Variants in PPP2R2B observed in about 807,000 individuals in gnomAD.
PPP2R2B encodes protein phosphatase 2 regulatory subunit Bbeta, also known as serine/threonine-protein phosphatase 2A 55 kDa regulatory subunit B beta isoform.
A neutral mutation model predicts 46.0 loss-of-function variants in PPP2R2B; 5 were observed. The observed-to-expected ratio is 0.11, with a 90% CI of 0.06 to 0.23. PPP2R2B has a LOEUF of 0.23. Ranked by LOEUF, PPP2R2B falls within the 10% of genes least tolerant of loss-of-function variation. PPP2R2B has a pLI of 1.00. For synonymous variants in PPP2R2B, 215 were observed against 206.7 expected (o/e 1.04, Z -0.34); for missense variants, 367 against 575.0 (o/e 0.64, Z 3.70).
At chr5:146,620,747 T>C (rs920031816) in intron 7 of PPP2R2B, among the ~76,000 whole-genome samples, 1 of 152,108 alleles carries the variant, frequency 6.6e-6, no homozygotes, top group Non-Finnish European at 1.5e-5. Flanking sequence ...CCCCCTGAGA[T>C]AGCATGCTCT....
chr5:146,697,237 A>T (rs1170817967), intron 4 of PPP2R2B, among the ~76,000 whole-genome samples: 1 of 152,198 alleles, frequency 6.6e-6, no homozygotes, highest in Non-Finnish European at 1.5e-5. Flanking sequence ...TTCAATTAGC[A>T]CCCTTTAACA....
At chr5:146,632,061 G>GCCCCCCCCCC (rs58956274) in intron 7 of PPP2R2B, among the ~76,000 whole-genome samples, 72 of 104,034 alleles carry the variant, frequency 6.9e-4, no homozygotes, top group Non-Finnish European at 1.0e-3. Flanking sequence ...GCTGAGTTGT[G>GCCCCCCCCCC]CCCCCCCCCC....
rs988354797 is a variant in PPP2R2B, at chr5:147,081,389, G to A, written c.-161C>T. ...CAGGCCAGGACCAGTTTGAACTGGA[G>A]CAATTGGAGTTTGTCCCTTCTCAGG... is the stretch of plus-strand genomic sequence containing the variant. On this transcript the variant is annotated 5_prime_UTR_variant, in exon 1 of 11. Coordinates refer to the PPP2R2B transcript ENST00000394413. 3.1e-6 allele frequency: 4 copies of A among 1,282,250 alleles called. No individual in the cohort carries two copies. In the South Asian group the frequency reaches 5.2e-5, roughly 17 times the overall value. The allele number at this position is 1,282,250 out of a possible 1,614,324, so 79.4% of individuals were successfully genotyped here. A position where few individuals can be genotyped will look rare whatever the true frequency, so the allele number is the denominator to read the frequency against.
At chr5:146,925,950 T>C (rs528598670) in intron 1 of PPP2R2B, among the ~76,000 whole-genome samples, 25 of 152,074 alleles carry the variant, frequency 1.6e-4, no homozygotes, top group Non-Finnish European at 3.5e-4. Flanking sequence ...TTACCATTAT[T>C]GTACCCTTCA....
At chr5:146,919,127 A>G (rs1023736693) in intron 1 of PPP2R2B, among the ~76,000 whole-genome samples, 1 of 152,256 alleles carries the variant, frequency 6.6e-6, no homozygotes, top group African/African-American at 2.4e-5. Context: ...CATAATTAGC[A>G]TATGGTGAAG....
intron 4 of PPP2R2B, among the ~76,000 whole-genome samples, chr5:146,692,223 C>T (rs1432680787): frequency 6.6e-6 from 1 of 152,204 alleles, no homozygotes; most frequent in African/African-American, 2.4e-5. Context: ...GTACATATTT[C>T]TAGCAATATT....
At chr5:146,626,401 A>G (rs1277195755) in intron 7 of PPP2R2B, among the ~76,000 whole-genome samples, 1 of 152,250 alleles carries the variant, frequency 6.6e-6, no homozygotes, top group Non-Finnish European at 1.5e-5. Context: ...AAAAATGGTC[A>G]TAAAACACAG....
At chr5:146,872,918 C>G (rs1761697110) in intron 2 of PPP2R2B, among the ~76,000 whole-genome samples, 1 of 152,194 alleles carries the variant, frequency 6.6e-6, no homozygotes, top group South Asian at 2.1e-4. Context: ...ATGTTCTTAT[C>G]TGAGGCATCT....
chr5:147,017,209 C>T lies in PPP2R2B; in HGVS notation c.79+38456G>A, dbSNP rs79540814. ...CAAAAACTGTGGGCAATAGAATCAG[C>T]AGGATTTGGTGATTGCTTTATGAAT... is the stretch of plus-strand genomic sequence containing the variant. On this transcript the variant is annotated intron_variant, in intron 1 of 8. Coordinates refer to the PPP2R2B transcript ENST00000336640. 6.6e-3 allele frequency among the ~76,000 whole-genome samples: 997 copies of T among 151,640 alleles called. 14 individuals carry two copies. Among genetic ancestry groups the T allele is most frequent in the African/African-American group, 0.023 (950 of 41,544 alleles).
rs994750835 is a variant in PPP2R2B at position 146,586,932 on chromosome 5, G to A, written c.*3015C>T. The A allele has an allele frequency of 4.6e-5, 7 of 152,092 alleles. No individual in the cohort carries two copies. The highest frequency in any genetic ancestry group is 8.8e-5 in the Non-Finnish European group (6 of 68,026). 9.4% of individuals were successfully genotyped at this position (152,092 alleles called of 1,614,324 possible). ...GCTTTTTGCATTACTTGTTTTTAAC[G>A]TCAGGAACTGAATGTTGCGCAAGGA... is the stretch of plus-strand genomic sequence containing the variant. On this transcript the variant is annotated 3_prime_UTR_variant, in exon 10 of 10. Transcript: ENST00000394411.
intron 2 of PPP2R2B, among the ~76,000 whole-genome samples, chr5:146,829,686 G>A (rs1456223149): frequency 6.6e-6 from 1 of 152,128 alleles, no homozygotes; most frequent in Admixed American, 6.5e-5. Context: ...GCAGGTTAAG[G>A]TTTCATACAG....
At chr5:146,625,361 A>G (rs1773979497) in intron 7 of PPP2R2B, among the ~76,000 whole-genome samples, 1 of 152,216 alleles carries the variant, frequency 6.6e-6, no homozygotes, top group African/African-American at 2.4e-5. Flanking sequence ...ATGAGCAAAC[A>G]GTGGGTCAAC....
intron 3 of PPP2R2B, 69 bp from the exon 4 acceptor site, chr5:146,698,213 CTT>C (rs575978395): frequency 1.5e-6 from 2 of 1,335,314 alleles, no homozygotes; most frequent in Non-Finnish European, 2.0e-6. Context: ...CGCCAACTCC[CTT>C]TTTTTTCCAG....
chr5:146,942,091 C>G (rs1357248457), intron 1 of PPP2R2B, among the ~76,000 whole-genome samples: 1 of 152,158 alleles, frequency 6.6e-6, no homozygotes, highest in Non-Finnish European at 1.5e-5. Flanking sequence ...AGGGCCCACT[C>G]TAATTCAGAA....
At chr5:147,042,368 C>A (rs1391648260) in intron 1 of PPP2R2B, among the ~76,000 whole-genome samples, 1 of 152,122 alleles carries the variant, frequency 6.6e-6, no homozygotes, top group Non-Finnish European at 1.5e-5. Flanking sequence ...TTTTCTATAA[C>A]TCGCTCAGGT....
At chr5:147,033,060 C>T (rs1408958258) in intron 1 of PPP2R2B, among the ~76,000 whole-genome samples, 1 of 151,974 alleles carries the variant, frequency 6.6e-6, no homozygotes, top group African/African-American at 2.4e-5. Flanking sequence ...AATTATGAGA[C>T]CATGCTATAG....
chr5:146,882,881 C>T (rs1006342952), upstream of PPP2R2B, among the ~76,000 whole-genome samples: 1 of 152,330 alleles, frequency 6.6e-6, no homozygotes, highest in Admixed American at 6.5e-5. Context: ...ATTACAAATA[C>T]ACAGCCTTCT....
chr5:146,776,688 A>G (rs568722114), intron 2 of PPP2R2B, among the ~76,000 whole-genome samples: 2 of 152,086 alleles, frequency 1.3e-5, no homozygotes, highest in African/African-American at 4.8e-5. Context: ...ATCAAAAGAC[A>G]CTATCAAGAG....
chr5:146,843,798 G>A (rs1759811821), intron 2 of PPP2R2B, among the ~76,000 whole-genome samples: 1 of 151,962 alleles, frequency 6.6e-6, no homozygotes, highest in Non-Finnish European at 1.5e-5. Context: ...TTTTATGGCT[G>A]CATAGTATTC....
Sources: gnomAD v4.1 joint callset for allele counts (sites outside exome capture counted in the v4.1 genomes callset) on GRCh38, gnomAD v4.1.1 for gene constraint, MANE v1.5 for transcripts, NCBI Gene and HGNC (gene_info 2026-07-23, HGNC 2026-07-21) for gene names.